The following SORCS2 variants were observed in gnomAD, a reference collection of about 807,000 sequenced individuals.
The protein encoded by SORCS2 is VPS10 domain-containing receptor SorCS2.
SORCS2 carries 100 observed loss-of-function variants against 141.6 expected under a neutral mutation model. That is an observed-to-expected ratio of 0.71 (90% CI 0.60 to 0.83). The LOEUF is 0.83. Among genes scored for constraint, SORCS2 ranks in the 40% least tolerant of loss-of-function variants. The pLI is 0.00. For missense variants in SORCS2, 1,646 were observed against 1,560.2 expected, an observed-to-expected ratio of 1.05 and a Z score of -0.93; for synonymous variants, 789 against 676.9, an observed-to-expected ratio of 1.17 and a Z score of -2.57.
intron 3 of SORCS2, among the ~76,000 whole-genome samples, chr4:7,582,613 G>A (rs985510782): frequency 5.9e-5 from 9 of 152,044 alleles, no homozygotes; most frequent in Non-Finnish European, 1.0e-4. Flanking sequence ...TCTATTGAAA[G>A]TCAGCCCTCG....
Position 7,722,180 on chromosome 4 carries a change from C to G in SORCS2, c.2425-1517C>G, listed in dbSNP as rs183518140. ...GGCGCCTCACCCAGGTTGAGCGGAT[C>G]ACGAGTCCTGACTCTGGGTCACACA... On this transcript the variant is annotated intron_variant, in intron 18 of 26. Transcript: ENST00000507866. Among the ~76,000 whole-genome samples the G allele has an allele frequency of 4.7e-4, 71 of 149,766 alleles. 1 individual carries two copies. The highest frequency in any genetic ancestry group is 3.8e-4 in the Non-Finnish European group (26 of 68,014).
intron 2 of SORCS2, among the ~76,000 whole-genome samples, chr4:7,459,862 A>T (rs1729180679): frequency 6.6e-6 from 1 of 152,170 alleles, no homozygotes; most frequent in South Asian, 2.1e-4. Context: ...TTTGGGGAGA[A>T]GTACCCGGGC....
chr4:7,412,441 A>T (rs1402252375), intron 2 of SORCS2, among the ~76,000 whole-genome samples: 1 of 152,140 alleles, frequency 6.6e-6, no homozygotes, highest in African/African-American at 2.4e-5. Flanking sequence ...GCAGAGTGAC[A>T]GCCCTGCCCA....
At chr4:7,647,107 G>T (rs75008067) in intron 4 of SORCS2, among the ~76,000 whole-genome samples, 2 of 152,308 alleles carry the variant, frequency 1.3e-5, no homozygotes, top group African/African-American at 4.8e-5. Flanking sequence ...GGGAAGTAGG[G>T]ATGCTCCAGG....
At position 7,201,585 on chromosome 4, in the gene SORCS2, C is replaced by T. The variant is rs773800307; in HGVS notation, c.480+8459C>T. Among the ~76,000 whole-genome samples, 11 of 152,252 alleles carry T rather than the reference C, an allele frequency of 7.2e-5. No homozygotes were observed. The highest frequency in any genetic ancestry group is 1.2e-4 in the Non-Finnish European group (8 of 68,022). ...ATGGAGAGCAGACTGGAGTGACGGGCGAATCAGCTGGGACGCTGCCGAGAA... is the reference window on the plus strand; with the variant it reads ...ATGGAGAGCAGACTGGAGTGACGGGTGAATCAGCTGGGACGCTGCCGAGAA... On this transcript the variant is annotated intron_variant, in intron 1 of 26. Transcript: ENST00000507866. The surrounding 1 kb of genome is among the most constrained non-coding windows in gnomAD (Gnocchi z 4.4).
In SORCS2 at chr4:7,714,226, TG is replaced by T; in HGVS notation, c.1990-13del. On this transcript the variant is annotated splice_polypyrimidine_tract_variant and intron_variant, in intron 15 of 26. Coordinates refer to ENST00000507866, the MANE Select transcript of SORCS2 (RefSeq NM_020777.3). ...TGTCTCAGGCAGCTCCTTACCCTGATGTTCCTGCTGCAGGGCGACCGCTGTA... is the reference window on the plus strand; with the variant it reads ...TGTCTCAGGCAGCTCCTTACCCTGATTTCCTGCTGCAGGGCGACCGCTGTA... The T allele has an allele frequency of 6.2e-7, 1 of 1,608,264 alleles. No homozygotes were observed.
chr4:7,486,208 G>T (rs572596321), intron 2 of SORCS2, among the ~76,000 whole-genome samples: 1 of 152,224 alleles, frequency 6.6e-6, no homozygotes, highest in African/African-American at 2.4e-5. Context: ...AACAAGCCCC[G>T]TCCAGTGGAG....
chr4:7,643,491 A>G (rs776841057), intron 4 of SORCS2, among the ~76,000 whole-genome samples: 1 of 152,232 alleles, frequency 6.6e-6, no homozygotes, highest in African/African-American at 2.4e-5. Flanking sequence ...TGAGAAATTG[A>G]TCTGAGCCCA....
chr4:7,318,492 AC>A (rs1470490994), intron 1 of SORCS2, among the ~76,000 whole-genome samples: 2 of 152,206 alleles, frequency 1.3e-5, no homozygotes, highest in Non-Finnish European at 2.9e-5. Flanking sequence ...AGTCAGACAC[AC>A]CTGAGCAAAC....
At chr4:7,589,480 G>T (rs571638158) in intron 3 of SORCS2, among the ~76,000 whole-genome samples, 3 of 152,178 alleles carry the variant, frequency 2.0e-5, no homozygotes, top group South Asian at 4.2e-4. Context: ...TCGGCTCATT[G>T]CAACCTCTAC....
At chr4:7,640,171 G>A (rs1441213595) in intron 4 of SORCS2, among the ~76,000 whole-genome samples, 1 of 127,842 alleles carries the variant, frequency 7.8e-6, no homozygotes, top group African/African-American at 3.0e-5. Flanking sequence ...GGCATGTGTG[G>A]GTGAGTGTGA....
At chr4:7,682,605 C>G in intron 9 of SORCS2, 138 bp from the exon 10 acceptor site, 1 of 846,980 alleles carries the variant, frequency 1.2e-6, no homozygotes, top group Non-Finnish European at 1.8e-6. Flanking sequence ...TAGAATGTGT[C>G]TCAGCTGCTG....
chr4:7,352,834 C>T (rs1476921039), intron 1 of SORCS2, among the ~76,000 whole-genome samples: 1 of 152,142 alleles, frequency 6.6e-6, no homozygotes, highest in African/African-American at 2.4e-5. Context: ...GGTGAAGTCA[C>T]GGCCTTTGTC....
At chr4:7,452,975 T>A (rs1728576009) in intron 2 of SORCS2, among the ~76,000 whole-genome samples, 1 of 137,988 alleles carries the variant, frequency 7.2e-6, no homozygotes, top group African/African-American at 2.8e-5. Flanking sequence ...AGGTGCTGTG[T>A]GTTGGGGTCA....
intron 1 of SORCS2, among the ~76,000 whole-genome samples, chr4:7,380,731 A>T (rs1401053711): frequency 2.0e-5 from 3 of 152,244 alleles, no homozygotes; most frequent in African/African-American, 7.2e-5. Flanking sequence ...CCTTCTATGG[A>T]TGACAAGTAA....
At chr4:7,392,686 G>A (rs955998738) in intron 1 of SORCS2, among the ~76,000 whole-genome samples, 6 of 152,116 alleles carry the variant, frequency 3.9e-5, no homozygotes, top group South Asian at 4.2e-4. Context: ...GTAGTGCATC[G>A]GAGGAGCCCT....
At chr4:7,487,407 C>T (rs1731056252) in intron 2 of SORCS2, among the ~76,000 whole-genome samples, 2 of 152,212 alleles carry the variant, frequency 1.3e-5, no homozygotes, top group African/African-American at 4.8e-5. Context: ...GAGTGGGGCC[C>T]AGACCTCCAC....
At chr4:7,685,990 C>T (rs10006752) in intron 10 of SORCS2, among the ~76,000 whole-genome samples, 3,284 of 152,286 alleles carry the variant, frequency 0.022, 125 homozygotes, top group African/African-American at 0.076. Flanking sequence ...AATAACTGGG[C>T]ATTTTTGTTC....
chr4:7,658,227 G>A lies in SORCS2; in HGVS notation c.888-3273G>A, dbSNP rs529477951. ...AATAAGTGAGTCTGTGACTGAGTAA[G>A]TGAATGAGTGACTGAGAGAATGAGT... On this transcript the variant is annotated intron_variant, in intron 5 of 26. Transcript: ENST00000507866. 6.8e-4 allele frequency among the ~76,000 whole-genome samples: 103 copies of A among 151,998 alleles called. 1 individual carries two copies. The highest frequency in any genetic ancestry group is 1.2e-3 in the Non-Finnish European group (80 of 67,980).
Sources: allele counts gnomAD v4.1 joint callset (sites outside exome capture counted in the v4.1 genomes callset), GRCh38; gene constraint gnomAD v4.1.1; non-coding constraint Gnocchi (gnomAD v3.1); transcripts MANE v1.5; gene names NCBI Gene and HGNC (gene_info 2026-07-23, HGNC 2026-07-21).